Variants in APC2 observed in about 807,000 individuals in gnomAD.
APC2 encodes APC regulator of Wnt signaling pathway 2.
A neutral mutation model predicts 72.5 loss-of-function variants in APC2; 41 were observed. The ratio of observed to expected loss-of-function variants is 0.57; its 90% CI spans 0.44 to 0.73. The LOEUF (loss-of-function observed/expected upper bound fraction) is 0.73, where lower values mean the gene tolerates loss of function less well. Ranked by LOEUF, APC2 falls within the 30% of genes least tolerant of loss-of-function variation. The probability of loss-of-function intolerance (pLI) is 0.00; values close to 1 mark genes in which losing one functional copy is unlikely to be tolerated. For synonymous variants in APC2, 1,898 were observed against 1,612.0 expected, an observed-to-expected ratio of 1.18 and a Z score of -4.25; for missense variants, 3,729 against 3,403.4, an observed-to-expected ratio of 1.10 and a Z score of -2.38.
Position 1,470,324 on chromosome 19 carries a change from C to T in APC2, c.*111C>T. ...CCATAGGTCGCCCCAGGGCCTCTGC[C>T]CACCCGAGCCCCACCACTCTCAGAA... On this transcript the variant is annotated 3_prime_UTR_variant, in exon 15 of 15. Transcript: ENST00000590469. 1 of 1,349,184 alleles carries T rather than the reference C, an allele frequency of 7.4e-7. No individual in the cohort carries two copies. Among genetic ancestry groups the T allele is most frequent in the Non-Finnish European group, 9.7e-7 (1 of 1,035,538 alleles). The allele number at this position is 1,349,184 out of a possible 1,614,324, so 83.6% of individuals were successfully genotyped here. A position where few individuals can be genotyped will look rare whatever the true frequency, so the allele number is the denominator to read the frequency against.
rs1426546520 is a variant in APC2, at chr19:1,453,344, G to A, written c.232+7G>A. ...GTGCTGGAGCAGCTGAAGGGTGAGC[G>A]GTGGGGCCACCCGCAGAGGGAGTGG... On this transcript the variant is annotated splice_region_variant and intron_variant, in intron 3 of 14. Coordinates refer to ENST00000590469, the MANE Select transcript of APC2 (RefSeq NM_005883.3). 1.7e-5 allele frequency: 28 copies of A among 1,609,008 alleles called. No individual in the cohort carries two copies. Among genetic ancestry groups the A allele is most frequent in the African/African-American group, 4.0e-5 (3 of 74,904 alleles).
rs2084037729 is a variant in APC2 at position 1,467,403 on chromosome 19, G to A, written c.4102G>A (p.Ala1368Thr). 1.3e-6 allele frequency: 2 copies of A among 1,488,384 alleles called. No homozygotes were observed. Among genetic ancestry groups the A allele is most frequent in the African/African-American group, 1.4e-5 (1 of 68,976 alleles). The allele number at this position is 1,488,384 out of a possible 1,614,324, so 92.2% of individuals were successfully genotyped here. Residue 1368 changes from alanine (A) to threonine (T), a missense_variant, in exon 15 of 15, where the codon GCA becomes ACA. Ala to Thr is a moderately conservative substitution (Grantham distance 58). Transcript: ENST00000590469. ...CTCCGCGCTGGTGCCAGGTCGCCGC[G>A]CACTCCCCGTGCCCGTCTACATGTT... is the stretch of plus-strand genomic sequence containing the variant. ...VASALVPGRR[A>T]LPVPVYMLVP...
In APC2 at chr19:1,471,860, C is replaced by T. The variant is rs2084140067; in HGVS notation, c.*1647C>T. ...CTGTGAGCAAAGCTGACCCCAGCCCCCACCCCCAGTTAACACTGCTGCTTC... is the reference window on the plus strand; with the variant it reads ...CTGTGAGCAAAGCTGACCCCAGCCCTCACCCCCAGTTAACACTGCTGCTTC... On this transcript the variant is annotated 3_prime_UTR_variant, in exon 15 of 15. Coordinates refer to ENST00000590469, the MANE Select transcript of APC2 (RefSeq NM_005883.3). The T allele has an allele frequency of 6.6e-6, 1 of 152,508 alleles. No individual in the cohort carries two copies. Among genetic ancestry groups the T allele is most frequent in the Non-Finnish European group, 1.5e-5 (1 of 68,192 alleles). 9.4% of individuals were successfully genotyped at this position (152,508 alleles called of 1,614,324 possible).
intron 14 of APC2, 51 bp downstream of exon 14, chr19:1,462,228 C>A: frequency 6.9e-7 from 1 of 1,450,212 alleles, no homozygotes; most frequent in Non-Finnish European, 9.2e-7. Context: ...TCGGGGCGGG[C>A]ACAGGGCTGG....
At chr19:1,453,851 C>T (rs563260854) in intron 4 of APC2, among the ~76,000 whole-genome samples, 2 of 152,286 alleles carry the variant, frequency 1.3e-5, no homozygotes, top group South Asian at 2.1e-4. Flanking sequence ...GGATGGGGGA[C>T]GTTCCTGGCT....
chr19:1,462,773 A>T (rs2083948074), intron 14 of APC2, among the ~76,000 whole-genome samples: 1 of 143,642 alleles, frequency 7.0e-6, no homozygotes, highest in Admixed American at 7.0e-5. Flanking sequence ...GATCGAGACC[A>T]TCCTGCCTAA....
chr19:1,468,752 G>T lies in APC2; in HGVS notation c.5451G>T (p.Lys1817Asn), dbSNP rs1013683520. 4.0e-6 allele frequency: 6 copies of T among 1,499,316 alleles called. No individual in the cohort carries two copies. The Admixed American group carries it at 6.8e-5, about 17-fold the overall frequency. The allele number at this position is 1,499,316 out of a possible 1,614,324, so 92.9% of individuals were successfully genotyped here. The change falls in exon 15 of 15, where the codon AAG (lysine) becomes AAT (asparagine). Residue 1817 changes from lysine to asparagine, a missense_variant. By Grantham distance (94) the Lys-to-Asn change is moderately conservative (BLOSUM62 0). Transcript: ENST00000590469. The part of the protein sequence containing the change: ...GTPGPRATPR[K>N]VAPPCLAQPA... ...CCGGCCCCCGCGCCACACCGCGGAA[G>T]GTGGCGCCCCCTTGCCTGGCACAGC...
chr19:1,459,193 GTT>G (rs2083886214), intron 10 of APC2, among the ~76,000 whole-genome samples: 1 of 151,998 alleles, frequency 6.6e-6, no homozygotes, highest in Non-Finnish European at 1.5e-5. Flanking sequence ...GCCATAGTCT[GTT>G]TGTTTCAGAG....
chr19:1,449,594 G>A (rs1030525236), upstream of APC2, among the ~76,000 whole-genome samples: 5 of 152,144 alleles, frequency 3.3e-5, no homozygotes, highest in Admixed American at 3.3e-4. Context: ...AGAAATGTGG[G>A]GAGATGCAGC....
At position 1,466,967 on chromosome 19, in the gene APC2, TC is replaced by T. The variant is rs1226412116; in HGVS notation, c.3672del (p.Glu1225ArgfsTer13). The T allele has an allele frequency of 6.2e-7, 1 of 1,605,380 alleles. No individual in the cohort carries two copies. The highest frequency in any genetic ancestry group is 8.5e-7 in the Non-Finnish European group (1 of 1,176,620). ...TPPLAPAPQG[P>X]PEATQFSLQW... ...CACCGCTGGCGCCCGCGCCACAGGGTCCCCCCGAGGCCACCCAGTTCAGCCT... is the reference window on the plus strand; with the variant it reads ...CACCGCTGGCGCCCGCGCCACAGGGTCCCCCGAGGCCACCCAGTTCAGCCT... On this transcript the variant is annotated frameshift_variant, in exon 15 of 15. Coordinates refer to ENST00000590469, the MANE Select transcript of APC2 (RefSeq NM_005883.3). LOFTEE classifies it low-confidence loss of function (END_TRUNC).
chr19:1,453,397 G>A (rs1369160103), intron 3 of APC2, 34 bp from the exon 4 acceptor site: 4 of 1,609,844 alleles, frequency 2.5e-6, no homozygotes, highest in Middle Eastern at 1.6e-4. Flanking sequence ...GGCAGGCAGG[G>A]CCGCTGACCT....
Position 1,462,056 on chromosome 19 carries a change from C to T in APC2, c.1732C>T (p.Leu578=). 1 of 1,613,124 alleles carries T rather than the reference C, an allele frequency of 6.2e-7. No homozygotes were observed. Among genetic ancestry groups the T allele is most frequent in the Non-Finnish European group, 8.5e-7 (1 of 1,180,010 alleles). Residue 578 remains leucine (L), a synonymous_variant, in exon 14 of 15, where the codon CTG becomes TTG. Transcript: ENST00000590469. ...GGCCATCTGCCAGGTGGATGGCGCC[C>T]TGGGCTTCCTGGTGAGCACCCTGAC... ...KAAICQVDGA[L]GFLVSTLTYK...
At chr19:1,450,117 G>A, upstream of APC2, 1 of 983,976 alleles carries the variant, frequency 1.0e-6, no homozygotes, top group South Asian at 4.7e-5. Context: ...ATCCTCCCCC[G>A]CTCGCGGTGG....
At position 1,450,309 on chromosome 19, in the gene APC2, CGCCCCGCCA is replaced by C; in HGVS notation, c.-43_-35del. ...AGAGGGAGGAGGCCCCAGACCCAGG[CGCCCCGCCA>C]GCCCAGCTGCACGTAAGCGGGTGTG... On this transcript the variant is annotated 5_prime_UTR_variant, in exon 1 of 15. Coordinates refer to ENST00000590469, the MANE Select transcript of APC2 (RefSeq NM_005883.3). The C allele has an allele frequency of 6.1e-6, 6 of 985,478 alleles. No homozygotes were observed. Among genetic ancestry groups the C allele is most frequent in the Non-Finnish European group, 7.2e-6 (6 of 829,946 alleles). 61.0% of individuals were successfully genotyped at this position (985,478 alleles called of 1,614,324 possible).
chr19:1,463,280 T>C (rs183234464), intron 14 of APC2, among the ~76,000 whole-genome samples: 1 of 151,810 alleles, frequency 6.6e-6, no homozygotes, highest in African/African-American at 2.4e-5. Context: ...TAGCCAGGCA[T>C]GGTGGCGGGC....
Position 1,470,196 on chromosome 19 carries a change from GC to G in APC2, c.6897del (p.Thr2300ProfsTer35). 1.3e-6 allele frequency: 2 copies of G among 1,596,852 alleles called. No individual in the cohort carries two copies. Among genetic ancestry groups the G allele is most frequent in the Non-Finnish European group, 1.7e-6 (2 of 1,174,004 alleles). The stretch of plus-strand genomic sequence containing the variant: ...GGAGAAAGCCCCGGCCACTGCCTCC[GC>G]CACCCTCCTGGAATAGTGGCCTAGG... ...AAEKAPATASATLLE is the reference protein window; with the variant it reads ...AAEKAPATASXTLLE On this transcript the variant is annotated frameshift_variant, in exon 15 of 15. Transcript: ENST00000590469. LOFTEE classifies it high-confidence loss of function.
At chr19:1,449,035 C>G (rs763334676), upstream of APC2, among the ~76,000 whole-genome samples, 15 of 152,164 alleles carry the variant, frequency 9.9e-5, no homozygotes, top group Non-Finnish European at 1.9e-4. Flanking sequence ...GTCTTCAGCT[C>G]AAGGCCCAAC....
At chr19:1,460,030 C>A (rs1254352422) in intron 10 of APC2, 151 bp from the exon 11 acceptor site, 3 of 1,079,026 alleles carry the variant, frequency 2.8e-6, no homozygotes, top group Middle Eastern at 3.1e-4. Flanking sequence ...CATACCGGCT[C>A]CTGGAGGAGG....
In APC2 at chr19:1,455,425, G is replaced by C; in HGVS notation, c.564G>C (p.Glu188Asp). 1 of 1,608,790 alleles carries C rather than the reference G, an allele frequency of 6.2e-7. No individual in the cohort carries two copies. Among genetic ancestry groups the C allele is most frequent in the Non-Finnish European group, 8.5e-7 (1 of 1,178,090 alleles). Residue 188 changes from glutamate (E) to aspartate (D), a missense_variant, in exon 6 of 15, where the codon GAG (glutamate) becomes GAC (aspartate). By Grantham distance (45) the Glu-to-Asp change is conservative. Transcript: ENST00000590469. ...TGGACCTGATCCGGCAGCAGCTTGA[G>C]TTCGAGGCCCAGCACATCCGCTCGC... ...MQMDLIRQQL[E>D]FEAQHIRSLM...
Sources: allele counts gnomAD v4.1 joint callset (sites outside exome capture counted in the v4.1 genomes callset), GRCh38; gene constraint gnomAD v4.1.1; transcripts MANE v1.5; gene names NCBI Gene and HGNC (gene_info 2026-07-23, HGNC 2026-07-21).